Variants in MAPK14 observed in about 807,000 individuals in gnomAD.
MAPK14 encodes the protein mitogen-activated protein kinase 14, also known as CSAID-binding protein.
Under a neutral mutation model 49.6 loss-of-function variants are expected in MAPK14, and 16 were observed. The ratio of observed to expected loss-of-function variants is 0.32; its 90% CI spans 0.22 to 0.49. The LOEUF (loss-of-function observed/expected upper bound fraction) is 0.49, where lower values mean the gene tolerates loss of function less well. Ranked by LOEUF, MAPK14 falls within the 20% of genes least tolerant of loss-of-function variation. The pLI is 0.99. For missense variants in MAPK14, 200 were observed against 441.2 expected (o/e 0.45, Z 4.90); for synonymous variants, 142 against 158.0 (o/e 0.90, Z 0.76).
intron 3 of MAPK14, among the ~76,000 whole-genome samples, chr6:36,070,856 TTATAA>T (rs1316515805): frequency 1.3e-5 from 2 of 152,138 alleles, no homozygotes; most frequent in Non-Finnish European, 2.9e-5. Context: ...ACGTTTATTC[TTATAA>T]TATATTAATA....
chr6:36,073,757 A>G lies in MAPK14; in HGVS notation c.447+37A>G, dbSNP rs1262844510. The G allele has an allele frequency of 3.1e-6, 5 of 1,596,328 alleles. No homozygotes were observed. The African/African-American group carries it at 4.0e-5, about 13-fold the overall frequency. The stretch of plus-strand genomic sequence containing the variant: ...GACTTTGATTACATTATTTTGGGGA[A>G]GTGGGGTGAGAGTGGAAGAATGGCA... On this transcript the variant is annotated intron_variant, in intron 5 of 11. Transcript: ENST00000229794.
rs868364854 is a variant in MAPK14 at position 36,107,808 on chromosome 6, C to T, written c.1015+180C>T. 3.3e-5 allele frequency among the ~76,000 whole-genome samples: 5 copies of T among 152,222 alleles called. No individual in the cohort carries two copies. In the South Asian group the frequency reaches 1.0e-3, roughly 31 times the overall value. ...TGATACTCTCTGGACCTTTGAGATA[C>T]TTATGTCTGGTCTGATTTTATGCAC... On this transcript the variant is annotated intron_variant, in intron 11 of 11. Coordinates refer to ENST00000229794, the MANE Select transcript of MAPK14 (RefSeq NM_139012.3). This position sits in a 1 kb window ranked among gnomAD's most constrained non-coding sequence, Gnocchi z 4.3.
intron 5 of MAPK14, 55 bp from the exon 6 acceptor site, chr6:36,073,994 A>G: frequency 7.9e-7 from 1 of 1,260,218 alleles, no homozygotes; most frequent in Non-Finnish European, 1.2e-6. Context: ...CTGTAGGGGG[A>G]GAATTGATCA....
At chr6:36,057,711 T>C (rs975074380) in intron 2 of MAPK14, among the ~76,000 whole-genome samples, 2 of 151,694 alleles carry the variant, frequency 1.3e-5, no homozygotes, top group Non-Finnish European at 2.9e-5. Flanking sequence ...GGAGCGAAAC[T>C]CTGTCTCAAA....
intron 8 of MAPK14, chr6:36,092,472 T>C: frequency 3.2e-6 from 2 of 627,564 alleles, no homozygotes; most frequent in South Asian, 2.9e-5. Context: ...CGCTACATCA[T>C]CACCAGTCTG....
chr6:36,102,378 A>G (rs1230580655), intron 9 of MAPK14, among the ~76,000 whole-genome samples, 193 bp from the exon 10 acceptor site: 1 of 114,422 alleles, frequency 8.7e-6, no homozygotes, highest in African/African-American at 4.1e-5. Context: ...GATAGCAGGA[A>G]TAAAGAAGGT....
At chr6:36,104,970 T>C (rs1445946993) in intron 10 of MAPK14, among the ~76,000 whole-genome samples, 1 of 152,184 alleles carries the variant, frequency 6.6e-6, no homozygotes, top group Non-Finnish European at 1.5e-5. Context: ...GTCCATCTGG[T>C]GCTCAGCACT....
intron 1 of MAPK14, among the ~76,000 whole-genome samples, chr6:36,046,372 ATGT>A (rs1281650291): frequency 1.3e-5 from 2 of 152,212 alleles, no homozygotes; most frequent in African/African-American, 2.4e-5. Context: ...TCATTTTATG[ATGT>A]TGTTCATGAA....
At position 36,028,890 on chromosome 6, in the gene MAPK14, T is replaced by TA. The variant is rs1172813736; in HGVS notation, c.116+621dup. Among the ~76,000 whole-genome samples, 3 of 151,032 alleles carry TA rather than the reference T, an allele frequency of 2.0e-5. No homozygotes were observed. Among genetic ancestry groups the TA allele is most frequent in the African/African-American group, 7.3e-5 (3 of 40,986 alleles). ...TGAATTAACAGCGATCCATAGAGCT[T>TA]AAAATACCGACTTTATCTCGGTGAG... On this transcript the variant is annotated intron_variant, in intron 1 of 11. Transcript: ENST00000229794. This position sits in a 1 kb window ranked among gnomAD's most constrained non-coding sequence, Gnocchi z 5.1.
intron 8 of MAPK14, among the ~76,000 whole-genome samples, chr6:36,086,670 A>G (rs542301525): frequency 6.6e-6 from 1 of 152,336 alleles, no homozygotes; most frequent in African/African-American, 2.4e-5. Context: ...CCAAGCAAGA[A>G]AAGCCCAGGA....
intron 3 of MAPK14, among the ~76,000 whole-genome samples, chr6:36,070,095 T>C (rs1222263671): frequency 1.3e-5 from 2 of 152,232 alleles, no homozygotes; most frequent in African/African-American, 2.4e-5. Context: ...AGAATACTGC[T>C]ATGTTCTTGC....
Position 36,110,950 on chromosome 6 carries a change from G to C in MAPK14, c.*2503G>C, listed in dbSNP as rs1182655037. On this transcript the variant is annotated 3_prime_UTR_variant, in exon 12 of 12. Coordinates refer to ENST00000229794, the MANE Select transcript of MAPK14 (RefSeq NM_139012.3). ...TTTGGTGAAGAGTATCCAGGTCTTT[G>C]CTGTGGATGGGTAAAGCAAAGAGCA... 1 of 152,122 alleles carries C rather than the reference G, an allele frequency of 6.6e-6. No homozygotes were observed. The highest frequency in any genetic ancestry group is 2.4e-5 in the African/African-American group (1 of 41,428). 9.4% of individuals were successfully genotyped at this position (152,122 alleles called of 1,614,324 possible).
rs1762406791 is a variant in MAPK14 at position 36,028,629 on chromosome 6, GA to G, written c.116+358del. ...GGGGTCTCCCTGCCTACCTGGAGCA[GA>G]AGGACCCTCTCCCGTGATGCGCCCA... On this transcript the variant is annotated intron_variant, in intron 1 of 11. Transcript: ENST00000229794. The surrounding 1 kb of genome is among the most constrained non-coding windows in gnomAD (Gnocchi z 5.1). Among the ~76,000 whole-genome samples, 1 of 152,176 alleles carries G rather than the reference GA, an allele frequency of 6.6e-6. No homozygotes were observed. The highest frequency in any genetic ancestry group is 1.9e-4 in the East Asian group (1 of 5,182).
chr6:36,052,627 C>A, intron 1 of MAPK14, 72 bp from the exon 2 acceptor site: 1 of 1,405,054 alleles, frequency 7.1e-7, no homozygotes, highest in Non-Finnish European at 9.6e-7. Context: ...TTGGAAATAG[C>A]CTTATAAATA....
At chr6:36,079,282 T>G (rs1764651210) in intron 8 of MAPK14, among the ~76,000 whole-genome samples, 1 of 152,328 alleles carries the variant, frequency 6.6e-6, no homozygotes, top group East Asian at 1.9e-4. Context: ...GTTCTTCTAA[T>G]TTGCAGAACT....
At position 36,075,878 on chromosome 6, in the gene MAPK14, G is replaced by A. The variant is rs1218676934; in HGVS notation, c.526G>A (p.Asp176Asn). The A allele has an allele frequency of 6.2e-7, 1 of 1,614,010 alleles. No individual in the cohort carries two copies. Among genetic ancestry groups the A allele is most frequent in the East Asian group, 2.2e-5 (1 of 44,866 alleles). Residue 176 changes from aspartate to asparagine, a missense_variant, in exon 7 of 12, where the codon GAT (aspartate) becomes AAT (asparagine). By Grantham distance (23) the Asp-to-Asn change is conservative. Around this residue, in one of 2 missense-constraint regions of MAPK14, gnomAD observed 170 missense variants for 407.0 expected, o/e 0.42. Coordinates refer to ENST00000229794, the MANE Select transcript of MAPK14 (RefSeq NM_139012.3). ...GGATTTTGGACTGGCTCGGCACACA[G>A]ATGATGAAATGACAGGCTACGTGGC... ...ILDFGLARHT[D>N]DEMTGYVATR...
At chr6:36,054,047 G>GAC (rs1453542290) in intron 2 of MAPK14, among the ~76,000 whole-genome samples, 5 of 148,552 alleles carry the variant, frequency 3.4e-5, no homozygotes, top group African/African-American at 1.3e-4. Flanking sequence ...CCTAATCAGT[G>GAC]ACATGTTTAC....
intron 9 of MAPK14, among the ~76,000 whole-genome samples, chr6:36,099,177 C>T (rs772354877): frequency 7.9e-5 from 12 of 152,166 alleles, no homozygotes; most frequent in Non-Finnish European, 1.5e-4. Flanking sequence ...TTAAAGATGA[C>T]ACTTCACCTG....
At position 36,111,009 on chromosome 6, in the gene MAPK14, T is replaced by TA. The variant is rs1344509444; in HGVS notation, c.*2563dup. On this transcript the variant is annotated 3_prime_UTR_variant, in exon 12 of 12. Coordinates refer to ENST00000229794, the MANE Select transcript of MAPK14 (RefSeq NM_139012.3). ...AAGTATTAAGCATTGGGGCCTGTCT[T>TA]ATCTACACTCGAGTGTAAGAGTGGC... The TA allele has an allele frequency of 6.6e-6, 1 of 152,164 alleles. No individual in the cohort carries two copies. Among genetic ancestry groups the TA allele is most frequent in the Non-Finnish European group, 1.5e-5 (1 of 68,030 alleles). The allele number at this position is 152,164 out of a possible 1,614,324, so 9.4% of individuals were successfully genotyped here.
Sources: gnomAD v4.1 joint callset for allele counts (sites outside exome capture counted in the v4.1 genomes callset) on GRCh38, gnomAD v4.1.1 for gene constraint, gnomAD v4.1.1 regional missense constraint, Gnocchi (gnomAD v3.1) non-coding constraint, MANE v1.5 for transcripts, NCBI Gene and HGNC (gene_info 2026-07-23, HGNC 2026-07-21) for gene names.